VSTM4: variants seen among roughly 807,000 people sequenced by gnomAD.
VSTM4 encodes the protein V-set and transmembrane domain containing 4, also known as V-set and transmembrane domain-containing protein 4.
VSTM4 carries 20 observed loss-of-function variants against 36.4 expected under a neutral mutation model. That is an observed-to-expected ratio of 0.55 (90% CI 0.39 to 0.80). The LOEUF (loss-of-function observed/expected upper bound fraction) is 0.80, where lower values mean the gene tolerates loss of function less well. VSTM4 is among the 30% of genes least tolerant of loss of function. The pLI, the probability that VSTM4 is intolerant of heterozygous loss-of-function variation, is 0.00. For missense variants in VSTM4, 392 were observed against 404.5 expected (o/e 0.97, Z 0.26); for synonymous variants, 182 against 173.9 (o/e 1.05, Z -0.37).
intron 5 of VSTM4, among the ~76,000 whole-genome samples, chr10:49,052,738 ATTTTT>A (rs1047431330): frequency 1.5e-4 from 23 of 151,736 alleles, no homozygotes; most frequent in African/African-American, 5.6e-4. Flanking sequence ...CTCTTTTTGG[ATTTTT>A]TTTAACTGTT....
intron 5 of VSTM4, among the ~76,000 whole-genome samples, chr10:49,058,162 T>C (rs1409950133): frequency 6.6e-6 from 1 of 152,152 alleles, no homozygotes; most frequent in African/African-American, 2.4e-5. Flanking sequence ...TTCTGTACCA[T>C]TCATTGCTGC....
At chr10:49,103,607 A>AT in intron 2 of VSTM4, 1 of 1,465,766 alleles carries the variant, frequency 6.8e-7, no homozygotes, top group South Asian at 1.5e-5. Context: ...ACTGGGAGTT[A>AT]TTTTTTAAAT....
intron 1 of VSTM4, among the ~76,000 whole-genome samples, chr10:49,112,194 G>T (rs552590921): frequency 1.3e-5 from 2 of 152,304 alleles, no homozygotes; most frequent in Admixed American, 6.5e-5. Context: ...TAACAAAACT[G>T]ATAGGGAAGA....
chr10:49,044,433 AGAAG>A (rs993448869), intron 7 of VSTM4, among the ~76,000 whole-genome samples: 3 of 150,170 alleles, frequency 2.0e-5, no homozygotes, highest in African/African-American at 4.8e-5. Flanking sequence ...GAAAAAGAAA[AGAAG>A]GAAGGAAGGA....
chr10:49,064,510 C>A, intron 5 of VSTM4, 193 bp downstream of exon 5: 1 of 634,126 alleles, frequency 1.6e-6, no homozygotes, highest in Middle Eastern at 4.5e-4. Flanking sequence ...TCTCTGGATC[C>A]CTGGGGGTGA....
chr10:49,100,531 T>C (rs1232292917), intron 2 of VSTM4, among the ~76,000 whole-genome samples: 1 of 151,264 alleles, frequency 6.6e-6, no homozygotes, highest in African/African-American at 2.4e-5. Flanking sequence ...GAAGTAAATA[T>C]AATAAAAATG....
intron 7 of VSTM4, among the ~76,000 whole-genome samples, chr10:49,021,273 T>C (rs1016568221): frequency 6.6e-6 from 1 of 152,066 alleles, no homozygotes; most frequent in African/African-American, 2.4e-5. Flanking sequence ...AAAATTTTAA[T>C]GTGGAAAATA....
At chr10:49,054,624 C>G (rs1365919964) in intron 5 of VSTM4, among the ~76,000 whole-genome samples, 1 of 152,150 alleles carries the variant, frequency 6.6e-6, no homozygotes, top group South Asian at 2.1e-4. Context: ...GAGCAGAAGG[C>G]GGGGAGCAGT....
At chr10:49,022,118 TTTA>T (rs146091067) in intron 7 of VSTM4, among the ~76,000 whole-genome samples, 23,628 of 145,638 alleles carry the variant, frequency 0.16, 1,974 homozygotes, top group South Asian at 0.36. Context: ...TTTTAATGCA[TTTA>T]TTTTTTTTTA....
At chr10:49,081,710 C>T (rs1441395673) in intron 3 of VSTM4, among the ~76,000 whole-genome samples, 5 of 152,236 alleles carry the variant, frequency 3.3e-5, no homozygotes, top group Non-Finnish European at 5.9e-5. Flanking sequence ...GAAGGCTCAG[C>T]TGGCCGCCAA....
intron 5 of VSTM4, among the ~76,000 whole-genome samples, chr10:49,063,517 AT>A (rs1428373039): frequency 2.0e-5 from 3 of 151,968 alleles, no homozygotes; most frequent in Non-Finnish European, 4.4e-5. Flanking sequence ...TAAATCTCTT[AT>A]TTTTGTAGGC....
chr10:49,058,248 C>T (rs1462549443), intron 5 of VSTM4, among the ~76,000 whole-genome samples: 1 of 152,172 alleles, frequency 6.6e-6, no homozygotes, highest in Non-Finnish European at 1.5e-5. Flanking sequence ...GGCCAGGAGA[C>T]ATCCTGGCTG....
At chr10:49,110,086 A>G (rs1844864999) in intron 1 of VSTM4, among the ~76,000 whole-genome samples, 1 of 152,246 alleles carries the variant, frequency 6.6e-6, no homozygotes, top group East Asian at 1.9e-4. Flanking sequence ...ACGATGCAGC[A>G]GCTGGCTTCC....
intron 7 of VSTM4, among the ~76,000 whole-genome samples, chr10:49,032,897 T>A (rs1236888826): frequency 1.3e-5 from 2 of 150,516 alleles, no homozygotes; most frequent in Non-Finnish European, 2.9e-5. Flanking sequence ...AGAGAGGATA[T>A]CTTCCATTGG....
intron 7 of VSTM4, among the ~76,000 whole-genome samples, chr10:49,036,051 A>G (rs947174163): frequency 2.6e-4 from 40 of 152,308 alleles, no homozygotes; most frequent in Non-Finnish European, 5.6e-4. Flanking sequence ...GCCCTGTGTC[A>G]AGGTTAACAG....
intron 5 of VSTM4, among the ~76,000 whole-genome samples, chr10:49,062,909 T>C (rs912859148): frequency 6.6e-6 from 1 of 152,196 alleles, no homozygotes; most frequent in Non-Finnish European, 1.5e-5. Context: ...GAGTTTTTCA[T>C]TTCTGTTTTT....
chr10:49,047,195 C>T, intron 6 of VSTM4, 151 bp from the exon 7 acceptor site: 1 of 787,518 alleles, frequency 1.3e-6, no homozygotes, highest in Non-Finnish European at 2.1e-6. Flanking sequence ...AGCAAGTGCC[C>T]CTCGGCGGGC....
chr10:49,028,975 C>A (rs1230468664), intron 7 of VSTM4, among the ~76,000 whole-genome samples: 2 of 152,226 alleles, frequency 1.3e-5, no homozygotes, highest in African/African-American at 2.4e-5. Context: ...CCTCTTCTAC[C>A]TGCAAGATAA....
Position 49,086,012 on chromosome 10 carries a change from T to C in VSTM4, c.469A>G (p.Lys157Glu). 1 of 1,584,148 alleles carries C rather than the reference T, an allele frequency of 6.3e-7. No homozygotes were observed. The highest frequency in any genetic ancestry group is 1.9e-5 in the Admixed American group (1 of 53,872). ...SATEMRVISL[K>E]ASEESSFEKT... ...TCAAAGGATGACTCTTCAGAAGCTTTGAGGGAAATGACTGAAAGACAAAAA... is the reference window on the plus strand; with the variant it reads ...TCAAAGGATGACTCTTCAGAAGCTTCGAGGGAAATGACTGAAAGACAAAAA... The change falls in exon 3 of 8, where the codon AAA becomes GAA. Residue 157 changes from lysine (K) to glutamate (E), a missense_variant. By Grantham distance (56) the Lys-to-Glu change is moderately conservative. Coordinates refer to ENST00000332853, the MANE Select transcript of VSTM4 (RefSeq NM_001031746.5).
Sources: gnomAD v4.1 joint callset for allele counts (sites outside exome capture counted in the v4.1 genomes callset) on GRCh38, gnomAD v4.1.1 for gene constraint, MANE v1.5 for transcripts, NCBI Gene and HGNC (gene_info 2026-07-23, HGNC 2026-07-21) for gene names.